Variants in SNED1 observed in about 807,000 individuals in gnomAD.
The protein encoded by SNED1 is sushi, nidogen and EGF-like domain-containing protein 1.
SNED1 carries 81 observed loss-of-function variants against 166.7 expected under a neutral mutation model. The ratio of observed to expected loss-of-function variants is 0.49; its 90% CI spans 0.41 to 0.58. The LOEUF (loss-of-function observed/expected upper bound fraction) is 0.58, where lower values mean the gene tolerates loss of function less well. SNED1 is among the 20% of genes least tolerant of loss of function. The pLI, the probability that SNED1 is intolerant of heterozygous loss-of-function variation, is 0.00. For synonymous variants in SNED1, 762 were observed against 822.0 expected, an observed-to-expected ratio of 0.93 and a Z score of 1.25; for missense variants, 1,604 against 2,000.2, an observed-to-expected ratio of 0.80 and a Z score of 3.78.
chr2:241,034,837 G>A, intron 4 of SNED1, 107 bp downstream of exon 4: 1 of 1,254,466 alleles, frequency 8.0e-7, no homozygotes, highest in Non-Finnish European at 1.1e-6. Context: ...GGGAGAGCAG[G>A]AGCACTTGGG....
At chr2:241,043,261 C>A (rs1180277656) in intron 8 of SNED1, among the ~76,000 whole-genome samples, 1 of 152,162 alleles carries the variant, frequency 6.6e-6, no homozygotes, top group East Asian at 1.9e-4. Context: ...ACCTCAAAAA[C>A]AGCCAGAGGA....
rs189114231 is a variant in SNED1, at chr2:241,052,054, G to A, written c.1866G>A (p.Ser622=). ...GRHCEIGKPD[S]CASGPCHNGG... is the part of the protein sequence containing the mutation. Reference sequence around the variant, plus strand: ...TTCTGTTTCCAGGGAAGCCAGACTCGTGTGCCTCTGGCCCCTGTCACAACG... The same window carrying A: ...TTCTGTTTCCAGGGAAGCCAGACTCATGTGCCTCTGGCCCCTGTCACAACG... The change falls in exon 14 of 32, where the codon TCG becomes TCA. Residue 622 remains serine, a synonymous_variant. Coordinates refer to ENST00000310397, the MANE Select transcript of SNED1 (RefSeq NM_001080437.3). 2.0e-5 allele frequency: 33 copies of A among 1,613,710 alleles called. No homozygotes were observed. Among genetic ancestry groups the A allele is most frequent in the African/African-American group, 1.1e-4 (8 of 75,046 alleles).
chr2:241,050,825 C>T (rs923151114), intron 12 of SNED1, among the ~76,000 whole-genome samples: 6 of 146,914 alleles, frequency 4.1e-5, no homozygotes, highest in African/African-American at 1.6e-4. Flanking sequence ...TCCACTGTAC[C>T]CAAGGTGGGG....
chr2:241,079,491 T>C (rs1575104518), intron 27 of SNED1, among the ~76,000 whole-genome samples: 1 of 150,202 alleles, frequency 6.7e-6, no homozygotes, highest in South Asian at 2.1e-4. Flanking sequence ...AGAAGGGAAA[T>C]ACAAATTTTG....
intron 27 of SNED1, among the ~76,000 whole-genome samples, chr2:241,079,285 G>T: frequency 6.6e-6 from 1 of 150,962 alleles, no homozygotes; most frequent in South Asian, 2.1e-4. Context: ...AGTGGCAGGC[G>T]CCTGTAGTCC....
chr2:241,064,973 G>T lies in SNED1; in HGVS notation c.2713+16G>T. The T allele has an allele frequency of 6.5e-7, 1 of 1,549,652 alleles. No individual in the cohort carries two copies. The highest frequency in any genetic ancestry group is 8.7e-7 in the Non-Finnish European group (1 of 1,150,134). ...TGCGCCAAAGGTGGGTGGCGAGGGCGCCTCCAGTGAGGGAGCCACGAGGGG... is the reference window on the plus strand; with the variant it reads ...TGCGCCAAAGGTGGGTGGCGAGGGCTCCTCCAGTGAGGGAGCCACGAGGGG... On this transcript the variant is annotated intron_variant, in intron 20 of 31. Transcript: ENST00000310397. This position sits in a 1 kb window ranked among gnomAD's most constrained non-coding sequence, Gnocchi z 7.0.
intron 1 of SNED1, among the ~76,000 whole-genome samples, chr2:241,014,417 G>T (rs1361646185): frequency 6.6e-6 from 1 of 152,236 alleles, no homozygotes. Flanking sequence ...GATGTGCTGT[G>T]TGTGGATGCT....
At chr2:241,071,958 C>A in intron 26 of SNED1, 80 bp downstream of exon 26, 1 of 1,159,354 alleles carries the variant, frequency 8.6e-7, no homozygotes, top group Non-Finnish European at 1.3e-6. Flanking sequence ...CTGTCCCCTA[C>A]ATGATGAGCC....
At chr2:241,030,870 T>G (rs1250174129) in intron 2 of SNED1, among the ~76,000 whole-genome samples, 1 of 152,134 alleles carries the variant, frequency 6.6e-6, no homozygotes, top group Non-Finnish European at 1.5e-5. Context: ...ACTCAAAAGG[T>G]TAGACTGGAA....
At chr2:241,034,201 C>T (rs892940700) in intron 3 of SNED1, among the ~76,000 whole-genome samples, 1 of 152,246 alleles carries the variant, frequency 6.6e-6, no homozygotes, top group African/African-American at 2.4e-5. Context: ...GGACCACAGC[C>T]GGCAGGAAAC....
intron 24 of SNED1, among the ~76,000 whole-genome samples, chr2:241,070,666 G>A (rs1000352817): frequency 6.6e-6 from 1 of 152,224 alleles, no homozygotes; most frequent in East Asian, 1.9e-4. Context: ...GGCAGAAGCC[G>A]CTCGGAGTGG....
chr2:241,080,187 G>C (rs568008863), intron 27 of SNED1, among the ~76,000 whole-genome samples: 2 of 152,136 alleles, frequency 1.3e-5, no homozygotes, highest in Non-Finnish European at 2.9e-5. Context: ...GGGAGGCTGA[G>C]GTGGGAGAAT....
chr2:241,015,972 C>T (rs1428460345), intron 1 of SNED1: 2 of 150,146 alleles, frequency 1.3e-5, no homozygotes, highest in East Asian at 2.0e-4. Context: ...TTATTCCATG[C>T]CTTCTCTATA....
At chr2:241,058,698 C>T (rs7585743) in intron 16 of SNED1, among the ~76,000 whole-genome samples, 37,246 of 152,068 alleles carry the variant, frequency 0.24, 4,946 homozygotes, top group Middle Eastern at 0.33. Flanking sequence ...TGCCTGTAAT[C>T]GCAGCACTTT....
At chr2:241,078,243 C>A (rs766561802) in intron 27 of SNED1, among the ~76,000 whole-genome samples, 1 of 151,510 alleles carries the variant, frequency 6.6e-6, no homozygotes, top group Non-Finnish European at 1.5e-5. Flanking sequence ...ATTAGCTGGG[C>A]GTGGTGGCGG....
Position 241,073,461 on chromosome 2 carries a change from C to A in SNED1, c.3916+97C>A, listed in dbSNP as rs2062846191. ...GGAGGGACCACCCACGGTGAGGAAT[C>A]AGGAGGCACAGAGCCTACCTGAGGG... On this transcript the variant is annotated intron_variant, in intron 27 of 31. Coordinates refer to ENST00000310397, the MANE Select transcript of SNED1 (RefSeq NM_001080437.3). The surrounding 1 kb of genome is among the most constrained non-coding windows in gnomAD (Gnocchi z 6.6). The A allele has an allele frequency of 1.0e-6, 1 of 995,866 alleles. No individual in the cohort carries two copies. Among genetic ancestry groups the A allele is most frequent in the Non-Finnish European group, 1.6e-6 (1 of 641,586 alleles). 61.7% of individuals were successfully genotyped at this position (995,866 alleles called of 1,614,324 possible).
chr2:241,093,197 T>C lies in SNED1; in HGVS notation c.*1561T>C, dbSNP rs2064153266. The C allele has an allele frequency of 6.6e-6, 1 of 152,644 alleles. No homozygotes were observed. Among genetic ancestry groups the C allele is most frequent in the Non-Finnish European group, 1.5e-5 (1 of 68,040 alleles). 9.5% of individuals were successfully genotyped at this position (152,644 alleles called of 1,614,324 possible). On this transcript the variant is annotated 3_prime_UTR_variant, in exon 32 of 32. Coordinates refer to ENST00000310397, the MANE Select transcript of SNED1 (RefSeq NM_001080437.3). ...CTTGAGAGCAGAAGGTGGAGCTCAA[T>C]GAAGGGTCTCGAGCTCAGCGAAGGG...
Position 241,053,160 on chromosome 2 carries a change from C to A in SNED1, c.2091C>A (p.Asp697Glu). ...GGCTGCCGTGCCTTGCAGAGGTGGA[C>A]TGCGGCCCCCCGGAGGAGGTGAAGC... is the stretch of plus-strand genomic sequence containing the variant. The part of the protein sequence containing the change: ...YMGRRCQAEV[D>E]CGPPEEVKHA... The change falls in exon 16 of 32, where the codon GAC becomes GAA. Residue 697 changes from aspartate (D) to glutamate (E), a missense_variant. Coordinates refer to ENST00000310397, the MANE Select transcript of SNED1 (RefSeq NM_001080437.3). The A allele has an allele frequency of 6.2e-7, 1 of 1,609,804 alleles. No individual in the cohort carries two copies. The highest frequency in any genetic ancestry group is 8.5e-7 in the Non-Finnish European group (1 of 1,179,026).
intron 3 of SNED1, among the ~76,000 whole-genome samples, chr2:241,034,282 TG>T (rs2061277164): frequency 1.3e-5 from 2 of 152,308 alleles, no homozygotes; most frequent in South Asian, 4.1e-4. Flanking sequence ...AGAGTGCCTT[TG>T]GGCTGTGCGC....
Sources: gnomAD v4.1 joint callset for allele counts (sites outside exome capture counted in the v4.1 genomes callset) on GRCh38, gnomAD v4.1.1 for gene constraint, Gnocchi (gnomAD v3.1) non-coding constraint, MANE v1.5 for transcripts, NCBI Gene and HGNC (gene_info 2026-07-23, HGNC 2026-07-21) for gene names.